The following PPFIA1 variants were observed in gnomAD, a reference collection of about 807,000 sequenced individuals.
The protein encoded by PPFIA1 is liprin-alpha-1.
In PPFIA1, 25 loss-of-function variants were observed where a neutral mutation model predicts 149.9. The ratio of observed to expected loss-of-function variants is 0.17; its 90% confidence interval spans 0.12 to 0.23. The LOEUF (loss-of-function observed/expected upper bound fraction) is 0.23, where lower values mean the gene tolerates loss of function less well. Among genes scored for constraint, PPFIA1 ranks in the 10% least tolerant of loss-of-function variants. The pLI is 1.00. For synonymous variants in PPFIA1, 549 were observed against 552.8 expected (o/e 0.99, Z 0.10); for missense variants, 1,362 against 1,506.5 (o/e 0.90, Z 1.59).
At chr11:70,359,419 A>T (rs2056522773) in intron 19 of PPFIA1, among the ~76,000 whole-genome samples, 1 of 152,116 alleles carries the variant, frequency 6.6e-6, no homozygotes, top group African/African-American at 2.4e-5. Context: ...ATGGCAATGG[A>T]GCATGGGAGG....
chr11:70,370,604 G>A (rs370250530), intron 21 of PPFIA1, among the ~76,000 whole-genome samples: 27 of 152,068 alleles, frequency 1.8e-4, no homozygotes, highest in African/African-American at 5.8e-4. Flanking sequence ...CGAGGCTGGT[G>A]TCGGAACTCC....
At chr11:70,276,701 A>G (rs1159771822) in intron 2 of PPFIA1, among the ~76,000 whole-genome samples, 1 of 152,136 alleles carries the variant, frequency 6.6e-6, no homozygotes, top group Non-Finnish European at 1.5e-5. Flanking sequence ...TTTTATAGGT[A>G]GATGTAGGAT....
intron 14 of PPFIA1, among the ~76,000 whole-genome samples, chr11:70,343,109 G>A (rs1009559642): frequency 6.6e-6 from 1 of 151,938 alleles, no homozygotes; most frequent in African/African-American, 2.4e-5. Context: ...CACTACACCT[G>A]GCTAATTTTT....
chr11:70,297,967 G>T (rs977409808), intron 2 of PPFIA1, among the ~76,000 whole-genome samples: 1 of 152,144 alleles, frequency 6.6e-6, no homozygotes, highest in Non-Finnish European at 1.5e-5. Flanking sequence ...GCTGTGCCTC[G>T]AGATCTGAAG....
intron 2 of PPFIA1, among the ~76,000 whole-genome samples, chr11:70,303,539 G>A (rs899936330): frequency 5.3e-5 from 8 of 152,180 alleles, no homozygotes; most frequent in African/African-American, 1.9e-4. Flanking sequence ...CCATTCCTGA[G>A]CGGTGCCAAG....
chr11:70,278,989 T>C (rs1196831357), intron 2 of PPFIA1: 17 of 581,016 alleles, frequency 2.9e-5, no homozygotes, highest in Non-Finnish European at 5.6e-5. Context: ...CCAGCAATTG[T>C]AGACTTGAAG....
At chr11:70,319,570 A>G (rs2053818108) in intron 2 of PPFIA1, among the ~76,000 whole-genome samples, 1 of 152,110 alleles carries the variant, frequency 6.6e-6, no homozygotes, top group Non-Finnish European at 1.5e-5. Context: ...GCGACCTTTC[A>G]TTGCTCCAAC....
intron 2 of PPFIA1, among the ~76,000 whole-genome samples, chr11:70,312,797 G>C (rs1231795467): frequency 1.3e-5 from 2 of 152,182 alleles, no homozygotes; most frequent in Non-Finnish European, 2.9e-5. Context: ...GTTCCCCCTG[G>C]GTGCCCAGCA....
At chr11:70,351,726 A>G (rs2056066954) in intron 16 of PPFIA1, among the ~76,000 whole-genome samples, 1 of 152,174 alleles carries the variant, frequency 6.6e-6, no homozygotes, top group South Asian at 2.1e-4. Context: ...CCCATTTTAC[A>G]GATGTGGAAA....
chr11:70,298,782 C>T (rs1437765924), intron 2 of PPFIA1, among the ~76,000 whole-genome samples: 2 of 152,116 alleles, frequency 1.3e-5, no homozygotes, highest in African/African-American at 4.8e-5. Context: ...TTCATCTTTA[C>T]GATTCTCTTA....
At chr11:70,348,675 G>C (rs1396569363) in intron 16 of PPFIA1, among the ~76,000 whole-genome samples, 1 of 152,156 alleles carries the variant, frequency 6.6e-6, no homozygotes, top group Non-Finnish European at 1.5e-5. Flanking sequence ...GAGCCCAGGA[G>C]GTCAAAACCA....
Position 70,348,313 on chromosome 11 carries a change from G to C in PPFIA1, c.2056G>C (p.Ala686Pro), listed in dbSNP as rs759890553. ...AATGAGCTCCATTCCCCCCTACCCT[G>C]CTTCCTCGCTTGCTAGCTCCTCCCC... ...RSMSSIPPYP[A>P]SSLASSSPPG... Residue 686 changes from alanine (A) to proline (P), a missense_variant, in exon 16 of 28, where the codon GCT (alanine) becomes CCT (proline). Transcript: ENST00000253925. 3.7e-6 allele frequency: 6 copies of C among 1,614,160 alleles called. No individual in the cohort carries two copies. The highest frequency in any genetic ancestry group is 2.7e-5 in the African/African-American group (2 of 75,050).
At chr11:70,289,446 C>T (rs1354218436) in intron 2 of PPFIA1, among the ~76,000 whole-genome samples, 1 of 152,132 alleles carries the variant, frequency 6.6e-6, no homozygotes, top group African/African-American at 2.4e-5. Context: ...TTTTCCTTAT[C>T]TATGATATTC....
chr11:70,271,104 G>A (rs926431320), intron 1 of PPFIA1, 190 bp downstream of exon 1: 2 of 151,928 alleles, frequency 1.3e-5, no homozygotes, highest in South Asian at 2.1e-4. Context: ...CCCAAGGGAC[G>A]GCTCCGGGGA....
chr11:70,355,010 C>T (rs1207503762), intron 17 of PPFIA1, among the ~76,000 whole-genome samples: 1 of 151,976 alleles, frequency 6.6e-6, no homozygotes, highest in Admixed American at 6.6e-5. Context: ...GATCTTGGCT[C>T]ACCACAACCT....
chr11:70,306,140 A>G (rs1455454403), intron 2 of PPFIA1, among the ~76,000 whole-genome samples: 2 of 152,214 alleles, frequency 1.3e-5, no homozygotes, highest in Non-Finnish European at 2.9e-5. Context: ...CTTTTGGAGT[A>G]AAACATGCAC....
chr11:70,372,473 A>C lies in PPFIA1; in HGVS notation c.3042-4A>C. 6.2e-7 allele frequency: 1 copy of C among 1,613,776 alleles called. No individual in the cohort carries two copies. The highest frequency in any genetic ancestry group is 1.1e-5 in the South Asian group (1 of 91,068). The stretch of plus-strand genomic sequence containing the variant: ...CTAAATCATCTCTCTTTTCTTCCAA[A>C]TAGAAACAGTTTCCAGTGTGGAATT... On this transcript the variant is annotated splice_polypyrimidine_tract_variant and splice_region_variant and intron_variant, in intron 22 of 27. Coordinates refer to ENST00000253925, the MANE Select transcript of PPFIA1 (RefSeq NM_003626.5).
chr11:70,344,650 A>G (rs1421485782), intron 15 of PPFIA1, among the ~76,000 whole-genome samples: 1 of 152,220 alleles, frequency 6.6e-6, no homozygotes, highest in Non-Finnish European at 1.5e-5. Context: ...TTGTTTCAAT[A>G]CACGCAAGTA....
rs537720482 is a variant in PPFIA1, at chr11:70,294,264, T to C, written c.264+21828T>C. Among the ~76,000 whole-genome samples, 10 of 152,126 alleles carry C rather than the reference T, an allele frequency of 6.6e-5. No individual in the cohort carries two copies. The South Asian group carries it at 2.1e-3, about 32-fold the overall frequency. On this transcript the variant is annotated intron_variant, in intron 2 of 27. Transcript: ENST00000253925. Reference sequence around the variant, plus strand: ...GCCTGCACAGTTCTTTTGTTGCAAATTGTAGAGAAAGGTAAACTTTGATTC... The same window carrying C: ...GCCTGCACAGTTCTTTTGTTGCAAACTGTAGAGAAAGGTAAACTTTGATTC...
Sources: gnomAD v4.1 joint callset for allele counts (sites outside exome capture counted in the v4.1 genomes callset) on GRCh38, gnomAD v4.1.1 for gene constraint, MANE v1.5 for transcripts, NCBI Gene and HGNC (gene_info 2026-07-23, HGNC 2026-07-21) for gene names.